Variants in RNU4-1 observed in about 807,000 individuals in gnomAD.
RNU4-1 encodes RNA, U4 small nuclear 1.
chr12:120,293,211 G>T (rs376853458), exon 1 of RNU4-1: 2 of 152,156 alleles, frequency 1.3e-5, no homozygotes, highest in Non-Finnish European at 2.9e-5. Flanking sequence ...GACCTCATTG[G>T]CTACGATACT....
chr12:120,293,227 T>G (rs571357277), exon 1 of RNU4-1: 3 of 152,222 alleles, frequency 2.0e-5, no homozygotes, highest in African/African-American at 7.2e-5. Flanking sequence ...ATACTGCCAC[T>G]GCGCAAAGCT....
At chr12:120,293,101 C>A (rs118161452) in exon 1 of RNU4-1, 12 of 152,034 alleles carry the variant, frequency 7.9e-5, no homozygotes, top group Non-Finnish European at 1.6e-4. Flanking sequence ...ATTCAGTCTC[C>A]GTAGAGACTG....
chr12:120,293,141 A>G (rs1420025948), exon 1 of RNU4-1: 2 of 152,206 alleles, frequency 1.3e-5, no homozygotes, highest in East Asian at 1.9e-4. Flanking sequence ...ACTATATTGC[A>G]AGTCGTCACG....
chr12:120,293,194 T>G (rs193103222), exon 1 of RNU4-1: 5 of 152,314 alleles, frequency 3.3e-5, no homozygotes, highest in Admixed American at 6.5e-5. Context: ...TAATCGCGCC[T>G]CGGATAGACC....
exon 1 of RNU4-1, chr12:120,293,153 CG>C: frequency 6.6e-6 from 1 of 152,270 alleles, no homozygotes; most frequent in South Asian, 2.1e-4. Flanking sequence ...GTCGTCACGG[CG>C]GGGTATTGGG....
chr12:120,293,203 C>G (rs553377926), exon 1 of RNU4-1: 6 of 152,164 alleles, frequency 3.9e-5, no homozygotes, highest in African/African-American at 1.4e-4. Context: ...CTCGGATAGA[C>G]CTCATTGGCT....
At chr12:120,293,206 C>T (rs999363832) in exon 1 of RNU4-1, 8 of 152,312 alleles carry the variant, frequency 5.3e-5, no homozygotes, top group Non-Finnish European at 7.3e-5. Context: ...GGATAGACCT[C>T]ATTGGCTACG....
exon 1 of RNU4-1, chr12:120,293,219 A>T (rs1013360495): frequency 4.6e-5 from 7 of 152,210 alleles, no homozygotes; most frequent in Non-Finnish European, 8.8e-5. Context: ...TGGCTACGAT[A>T]CTGCCACTGC....
chr12:120,293,181 C>T (rs1019847293), exon 1 of RNU4-1: 3 of 152,130 alleles, frequency 2.0e-5, no homozygotes, highest in Admixed American at 6.6e-5. Flanking sequence ...TTTCAATTAG[C>T]AATAATCGCG....
exon 1 of RNU4-1, chr12:120,293,196 G>C (rs559518446): frequency 3.9e-5 from 6 of 152,150 alleles, no homozygotes; most frequent in African/African-American, 4.8e-5. Context: ...ATCGCGCCTC[G>C]GATAGACCTC....
chr12:120,293,208 T>A (rs893712383), exon 1 of RNU4-1: 1 of 152,204 alleles, frequency 6.6e-6, no homozygotes, highest in Non-Finnish European at 1.5e-5. Flanking sequence ...ATAGACCTCA[T>A]TGGCTACGAT....
chr12:120,293,166 A>G (rs543488968), exon 1 of RNU4-1: 6 of 152,210 alleles, frequency 3.9e-5, no homozygotes, highest in Non-Finnish European at 5.9e-5. Flanking sequence ...GGTATTGGGA[A>G]AAGTTTTCAA....
exon 1 of RNU4-1, chr12:120,293,173 T>TA (rs918316988): frequency 3.3e-5 from 5 of 152,194 alleles, no homozygotes; most frequent in African/African-American, 9.7e-5. Flanking sequence ...GGAAAAGTTT[T>TA]CAATTAGCAA....
chr12:120,293,236 C>T (rs535760380), exon 1 of RNU4-1: 9 of 152,306 alleles, frequency 5.9e-5, no homozygotes, highest in East Asian at 1.9e-4. Context: ...CTGCGCAAAG[C>T]TAATTTGTTA....
exon 1 of RNU4-1, chr12:120,293,151 G>T (rs113684685): frequency 2.2e-4 from 34 of 152,280 alleles, no homozygotes; most frequent in Non-Finnish European, 3.8e-4. Flanking sequence ...AAGTCGTCAC[G>T]GCGGGGTATT....
chr12:120,293,117 A>G (rs1465179471), exon 1 of RNU4-1: 1 of 152,170 alleles, frequency 6.6e-6, no homozygotes, highest in Non-Finnish European at 1.5e-5. Flanking sequence ...GACTGTCAAA[A>G]ATTGCCAGTG....
chr12:120,293,099 T>A (rs181233399), exon 1 of RNU4-1: 1 of 152,096 alleles, frequency 6.6e-6, no homozygotes, highest in South Asian at 2.1e-4. Context: ...AAATTCAGTC[T>A]CCGTAGAGAC....
At chr12:120,293,162 G>A (rs1411777882) in exon 1 of RNU4-1, 1 of 152,130 alleles carries the variant, frequency 6.6e-6, no homozygotes, top group Admixed American at 6.6e-5. Context: ...GCGGGGTATT[G>A]GGAAAAGTTT....
chr12:120,293,144 T>G (rs188404206), exon 1 of RNU4-1: 2 of 152,182 alleles, frequency 1.3e-5, no homozygotes, highest in African/African-American at 4.8e-5. Flanking sequence ...ATATTGCAAG[T>G]CGTCACGGCG....
Sources: allele counts gnomAD v4.1 joint callset, GRCh38; gene constraint gnomAD v4.1.1; transcripts MANE v1.5; gene names NCBI Gene and HGNC (gene_info 2026-07-23, HGNC 2026-07-21).